The following PGM5 variants were observed in gnomAD, a reference collection of about 807,000 sequenced individuals.
The protein encoded by PGM5 is phosphoglucomutase-like protein 5.
A neutral mutation model predicts 59.2 loss-of-function variants in PGM5; 23 were observed. That is an observed-to-expected ratio of 0.39 (90% CI 0.28 to 0.55). The LOEUF is 0.55. Among genes scored for constraint, PGM5 ranks in the 20% least tolerant of loss-of-function variants. PGM5 has a pLI of 0.66. For missense variants in PGM5, 574 were observed against 748.3 expected, an observed-to-expected ratio of 0.77 and a Z score of 2.72; for synonymous variants, 214 against 286.0, an observed-to-expected ratio of 0.75 and a Z score of 2.54.
intron 9 of PGM5, among the ~76,000 whole-genome samples, chr9:68,485,873 G>A (rs1197749946): frequency 6.6e-6 from 1 of 152,200 alleles, no homozygotes; most frequent in Non-Finnish European, 1.5e-5. Context: ...TTAGCTCAAG[G>A]GGGGTGATGA....
intron 10 of PGM5, among the ~76,000 whole-genome samples, chr9:68,523,923 A>G (rs1824933971): frequency 6.6e-6 from 1 of 152,074 alleles, no homozygotes; most frequent in Admixed American, 6.6e-5. Flanking sequence ...GTCTTGTGAC[A>G]TTCAGATCAT....
chr9:68,477,368 C>T (rs1587822975), intron 7 of PGM5, among the ~76,000 whole-genome samples: 1 of 152,340 alleles, frequency 6.6e-6, no homozygotes, highest in East Asian at 1.9e-4. Context: ...ATAAATGTCA[C>T]AAGTACGGTA....
chr9:68,372,896 A>G (rs1476303197), intron 1 of PGM5, among the ~76,000 whole-genome samples: 1 of 152,114 alleles, frequency 6.6e-6, no homozygotes, highest in Non-Finnish European at 1.5e-5. Context: ...GAGCGAGAAC[A>G]CACTTATCGT....
intron 9 of PGM5, chr9:68,498,244 T>A (rs1824513887): frequency 6.6e-6 from 1 of 152,164 alleles, no homozygotes; most frequent in Admixed American, 6.5e-5. Context: ...ACACTAAAGG[T>A]GTTTCTATTA....
chr9:68,409,490 G>C (rs1822883074), intron 6 of PGM5, among the ~76,000 whole-genome samples: 1 of 130,114 alleles, frequency 7.7e-6, no homozygotes, highest in African/African-American at 3.0e-5. Context: ...GTCCAACAAT[G>C]ATAGACTGGA....
intron 1 of PGM5, among the ~76,000 whole-genome samples, chr9:68,358,549 T>C (rs748055331): frequency 6.6e-6 from 1 of 152,246 alleles, no homozygotes; most frequent in Non-Finnish European, 1.5e-5. Context: ...AAGGAAAGTG[T>C]CTTGCAGATG....
At chr9:68,391,404 T>C (rs1181078035) in intron 4 of PGM5, 130 bp from the exon 5 acceptor site, 2 of 726,150 alleles carry the variant, frequency 2.8e-6, no homozygotes, top group East Asian at 2.8e-5. Context: ...CTATATTGTA[T>C]CTTTAAAACG....
chr9:68,513,454 G>T (rs1221031082), intron 10 of PGM5, among the ~76,000 whole-genome samples: 3 of 152,182 alleles, frequency 2.0e-5, no homozygotes, highest in African/African-American at 7.2e-5. Context: ...AAAACGTTAA[G>T]AAATAAATGG....
intron 9 of PGM5, chr9:68,498,831 T>C: frequency 4.5e-6 from 1 of 223,336 alleles, no homozygotes; most frequent in Non-Finnish European, 9.0e-6. Flanking sequence ...CTTACTGTAA[T>C]AGACAAATTG....
intron 1 of PGM5, among the ~76,000 whole-genome samples, chr9:68,367,955 G>A (rs1260334679): frequency 2.6e-5 from 4 of 151,848 alleles, no homozygotes; most frequent in Non-Finnish European, 5.9e-5. Flanking sequence ...GTATAAGTAA[G>A]AGAATGAGTT....
intron 8 of PGM5, among the ~76,000 whole-genome samples, chr9:68,480,704 A>G (rs1447234983): frequency 6.6e-6 from 1 of 152,060 alleles, no homozygotes; most frequent in Non-Finnish European, 1.5e-5. Flanking sequence ...ATCTCAAAAA[A>G]AAAAACAAAA....
intron 3 of PGM5, among the ~76,000 whole-genome samples, chr9:68,385,475 C>G (rs1174839711): frequency 6.6e-6 from 1 of 152,054 alleles, no homozygotes. Context: ...ACAGTATTTG[C>G]CCAATGTTAC....
At chr9:68,527,276 A>C (rs901538797) in intron 10 of PGM5, among the ~76,000 whole-genome samples, 2 of 152,236 alleles carry the variant, frequency 1.3e-5, no homozygotes, top group Non-Finnish European at 2.9e-5. Context: ...CGTAAGGTTC[A>C]AATTCATTTT....
At chr9:68,432,679 C>G (rs1464881086) in intron 6 of PGM5, among the ~76,000 whole-genome samples, 2 of 151,964 alleles carry the variant, frequency 1.3e-5, no homozygotes, top group Non-Finnish European at 2.9e-5. Flanking sequence ...AATCTCGGCT[C>G]ACTGCAACCT....
At chr9:68,393,557 A>G (rs2639587) in intron 6 of PGM5, among the ~76,000 whole-genome samples, 9 of 151,108 alleles carry the variant, frequency 6.0e-5, no homozygotes, top group Admixed American at 5.3e-4. Context: ...ACCAGCCTGG[A>G]TAATAGAGCA....
intron 4 of PGM5, among the ~76,000 whole-genome samples, chr9:68,388,537 TTGTC>T (rs1822285732): frequency 6.6e-6 from 1 of 152,026 alleles, no homozygotes; most frequent in Middle Eastern, 3.2e-3. Flanking sequence ...CCTGGTTTCT[TTGTC>T]TGACACCTTG....
intron 6 of PGM5, among the ~76,000 whole-genome samples, chr9:68,410,245 T>G (rs1401134108): frequency 6.7e-6 from 1 of 150,214 alleles, no homozygotes; most frequent in Non-Finnish European, 1.5e-5. Flanking sequence ...CAGGACTTAA[T>G]GATGTGGCCA....
At chr9:68,377,961 T>C (rs1554677959) in intron 1 of PGM5, among the ~76,000 whole-genome samples, 1 of 152,206 alleles carries the variant, frequency 6.6e-6, no homozygotes, top group African/African-American at 2.4e-5. Context: ...CAATGAGGCA[T>C]ATCCTATTTA....
intron 9 of PGM5, among the ~76,000 whole-genome samples, chr9:68,486,920 A>G (rs1415729584): frequency 6.6e-6 from 1 of 152,232 alleles, no homozygotes. Context: ...GTTTCTCCAC[A>G]CCTTTGCTAA....
Sources: gnomAD v4.1 joint callset for allele counts (sites outside exome capture counted in the v4.1 genomes callset) on GRCh38, gnomAD v4.1.1 for gene constraint, MANE v1.5 for transcripts, NCBI Gene and HGNC (gene_info 2026-07-23, HGNC 2026-07-21) for gene names.